The following CCDC73 variants were observed in gnomAD, a reference collection of about 807,000 sequenced individuals.
CCDC73 encodes coiled-coil domain-containing protein 73.
In CCDC73, 95 loss-of-function variants were observed where a neutral mutation model predicts 116.5. The ratio of observed to expected loss-of-function variants is 0.82; its 90% CI spans 0.69 to 0.97. The LOEUF (loss-of-function observed/expected upper bound fraction) is 0.97. CCDC73 is among the 50% of genes least tolerant of loss of function. CCDC73 has a pLI of 0.00. For missense variants in CCDC73, 1,066 were observed against 1,206.8 expected, an observed-to-expected ratio of 0.88 and a Z score of 1.73; for synonymous variants, 398 against 401.3, an observed-to-expected ratio of 0.99 and a Z score of 0.10.
chr11:32,607,080 A>ATT lies in CCDC73; in HGVS notation c.3030+4050_3030+4051dup, dbSNP rs759164050. Reference sequence around the variant, plus strand: ...GCCCACCACGCCCAGCCAAAAATAAATTTTTTTTTTTTTTTTTTTTTTTTT... The same window carrying ATT: ...GCCCACCACGCCCAGCCAAAAATAAATTTTTTTTTTTTTTTTTTTTTTTTTTT... On this transcript the variant is annotated intron_variant, in intron 17 of 17. Coordinates refer to ENST00000335185, the MANE Select transcript of CCDC73 (RefSeq NM_001008391.4). Among the ~76,000 whole-genome samples the ATT allele has an allele frequency of 6.4e-3, 473 of 74,170 alleles. 31 individuals are homozygous for ATT. The highest frequency in any genetic ancestry group is 0.02 in the East Asian group (45 of 2,304). 48.7% of individuals were successfully genotyped at this position (74,170 alleles called of 152,430 possible). A position where few individuals can be genotyped will look rare whatever the true frequency, so the allele number is the denominator to read the frequency against.
the CCDC73 span, among the ~76,000 whole-genome samples, chr11:32,808,712 A>G: frequency 6.6e-6 from 1 of 152,164 alleles, no homozygotes; most frequent in African/African-American, 2.4e-5. Flanking sequence ...CTGCTTTTAT[A>G]AGATAAGAAA....
chr11:32,621,191 C>T (rs1855520221), intron 14 of CCDC73, among the ~76,000 whole-genome samples: 1 of 152,050 alleles, frequency 6.6e-6, no homozygotes, highest in South Asian at 2.1e-4. Context: ...GCATATGGAA[C>T]CAAAAAAGAG....
chr11:32,716,989 C>G (rs1324893364), intron 3 of CCDC73, among the ~76,000 whole-genome samples: 2 of 152,018 alleles, frequency 1.3e-5, no homozygotes, highest in Non-Finnish European at 2.9e-5. Context: ...TAGTATTTAC[C>G]TATTCTTTCC....
At chr11:32,625,346 C>T (rs895814758) in intron 14 of CCDC73, among the ~76,000 whole-genome samples, 10 of 152,240 alleles carry the variant, frequency 6.6e-5, no homozygotes, top group South Asian at 2.1e-4. Flanking sequence ...TTATTTTGCT[C>T]GTTAGTTGAT....
At chr11:32,737,791 TTA>T (rs1370552020) in intron 2 of CCDC73, among the ~76,000 whole-genome samples, 8 of 150,794 alleles carry the variant, frequency 5.3e-5, no homozygotes, top group African/African-American at 1.7e-4. Context: ...TTATTCAGTC[TTA>T]TTTTTTTTTG....
At chr11:32,647,053 T>A (rs1018018177) in intron 12 of CCDC73, among the ~76,000 whole-genome samples, 4 of 152,192 alleles carry the variant, frequency 2.6e-5, no homozygotes, top group Admixed American at 6.5e-5. Flanking sequence ...TTTTTCATTA[T>A]CCTATTTGTT....
intron 1 of CCDC73, among the ~76,000 whole-genome samples, chr11:32,786,445 T>C (rs1447589789): frequency 8.5e-6 from 1 of 118,008 alleles, no homozygotes; most frequent in Non-Finnish European, 1.8e-5. Flanking sequence ...ATAATAAATA[T>C]ATTATTTATA....
At chr11:32,799,608 T>C (rs12290105), upstream of CCDC73, among the ~76,000 whole-genome samples, 1,919 of 152,304 alleles carry the variant, frequency 0.013, 39 homozygotes, top group African/African-American at 0.044. Context: ...AGAATGAAAG[T>C]ATGTCATTTT....
rs184138670 is a variant in CCDC73 at position 32,790,597 on chromosome 11, A to C, written c.-16+4016T>G. ...TTACAAAAACCACTTTTAGTTTCTT[A>C]AAATATTTACACTATTATGAGTAAA... is the stretch of plus-strand genomic sequence containing the variant. On this transcript the variant is annotated intron_variant, in intron 1 of 17. Transcript: ENST00000335185. Among the ~76,000 whole-genome samples, 404 of 152,294 alleles carry C rather than the reference A, an allele frequency of 2.7e-3. 1 individual carries two copies. The highest frequency in any genetic ancestry group is 7.2e-3 in the South Asian group (35 of 4,830).
the CCDC73 span, among the ~76,000 whole-genome samples, chr11:32,821,903 G>A: frequency 2.0e-5 from 3 of 152,152 alleles, no homozygotes. Context: ...ACATATTAAA[G>A]TACTAAGAAC....
chr11:32,612,663 G>A (rs1032909601), intron 16 of CCDC73, among the ~76,000 whole-genome samples: 3 of 151,842 alleles, frequency 2.0e-5, no homozygotes, highest in African/African-American at 7.3e-5. Context: ...CTTCAGCCTG[G>A]GAGGTTAAAG....
At chr11:32,626,552 C>T (rs1855575882) in intron 14 of CCDC73, among the ~76,000 whole-genome samples, 1 of 152,200 alleles carries the variant, frequency 6.6e-6, no homozygotes, top group South Asian at 2.1e-4. Context: ...CAGGTGGAGG[C>T]ATCACGCTAC....
At chr11:32,739,026 T>C (rs1014404145) in intron 2 of CCDC73, among the ~76,000 whole-genome samples, 6 of 152,250 alleles carry the variant, frequency 3.9e-5, no homozygotes, top group Admixed American at 3.3e-4. Flanking sequence ...TGTTTCTGGG[T>C]TCTCTATTCT....
the CCDC73 span, among the ~76,000 whole-genome samples, chr11:32,812,918 C>T: frequency 6.6e-6 from 1 of 152,146 alleles, no homozygotes; most frequent in Non-Finnish European, 1.5e-5. Flanking sequence ...CAACAAACCA[C>T]AGTCGAATAC....
Position 32,699,333 on chromosome 11 carries a change from TA to T in CCDC73, c.316-9del. 6.4e-7 allele frequency: 1 copy of T among 1,555,916 alleles called. No individual in the cohort carries two copies. Among genetic ancestry groups the T allele is most frequent in the Non-Finnish European group, 8.7e-7 (1 of 1,146,346 alleles). The stretch of plus-strand genomic sequence containing the variant: ...AGCAAGTTGATATTTTCCCTTTAAG[TA>T]AAAAACTGTATTTCAATACTTTCCA... On this transcript the variant is annotated splice_polypyrimidine_tract_variant and intron_variant, in intron 5 of 17. Coordinates refer to ENST00000335185, the MANE Select transcript of CCDC73 (RefSeq NM_001008391.4).
chr11:32,732,516 A>G lies in CCDC73; in HGVS notation c.136-14369T>C, dbSNP rs545978729. 2.3e-3 allele frequency among the ~76,000 whole-genome samples: 352 copies of G among 152,312 alleles called. 2 individuals carry two copies. The highest frequency in any genetic ancestry group is 8.2e-3 in the African/African-American group (341 of 41,572). On this transcript the variant is annotated intron_variant, in intron 2 of 17. Coordinates refer to ENST00000335185, the MANE Select transcript of CCDC73 (RefSeq NM_001008391.4). ...GGAAAAAATGTTAAGGGCAGCCAGA[A>G]AGAAACGTCGGGTTACCCACAAAGG... is the stretch of plus-strand genomic sequence containing the variant.
intron 2 of CCDC73, among the ~76,000 whole-genome samples, chr11:32,739,418 G>C (rs1429920716): frequency 4.6e-5 from 7 of 151,926 alleles, no homozygotes; most frequent in African/African-American, 1.7e-4. Flanking sequence ...TCAATTCTTT[G>C]ATTAAGTTAT....
rs1423550061 is a variant in CCDC73 at position 32,614,458 on chromosome 11, T to C, written c.1860A>G (p.Thr620=). ...AATCTGCTTTGGTTTGGTCACTATT[T>C]GTAATTTCCTTCTCTAGAGCATGTT... ...TREHALEKEI[T]NSDQTKADLD... is the part of the protein sequence containing the mutation. Residue 620 remains threonine, a synonymous_variant, in exon 16 of 18, where the codon ACA becomes ACG. Transcript: ENST00000335185. The C allele has an allele frequency of 1.2e-6, 2 of 1,613,646 alleles. No individual in the cohort carries two copies. Among genetic ancestry groups the C allele is most frequent in the South Asian group, 1.1e-5 (1 of 91,076 alleles).
intron 6 of CCDC73, among the ~76,000 whole-genome samples, chr11:32,691,143 C>T (rs1173704908): frequency 6.6e-6 from 1 of 151,796 alleles, no homozygotes; most frequent in African/African-American, 2.4e-5. Context: ...CTCCCAGCTT[C>T]AAGCGATTCT....
Sources: gnomAD v4.1 joint callset for allele counts (sites outside exome capture counted in the v4.1 genomes callset) on GRCh38, gnomAD v4.1.1 for gene constraint, MANE v1.5 for transcripts, NCBI Gene and HGNC (gene_info 2026-07-23, HGNC 2026-07-21) for gene names.